Variants in MVB12B observed in about 807,000 individuals in gnomAD.
MVB12B encodes ESCRT-I complex subunit MVB12B.
Under a neutral mutation model 41.6 loss-of-function variants are expected in MVB12B, and 16 were observed. The observed-to-expected ratio is 0.38, with a 90% CI of 0.26 to 0.58. MVB12B has a LOEUF of 0.58. Ranked by LOEUF, MVB12B falls within the 20% of genes least tolerant of loss-of-function variation. The pLI is 0.62. For synonymous variants in MVB12B, 133 were observed against 139.7 expected (o/e 0.95, Z 0.34); for missense variants, 274 against 380.2 (o/e 0.72, Z 2.32).
At chr9:126,350,906 G>A (rs1468014671) in intron 2 of MVB12B, among the ~76,000 whole-genome samples, 1 of 152,114 alleles carries the variant, frequency 6.6e-6, no homozygotes, top group East Asian at 1.9e-4. Flanking sequence ...AAATAATCTT[G>A]CCTATATCTA....
intron 9 of MVB12B, among the ~76,000 whole-genome samples, chr9:126,500,904 CGG>C: frequency 6.6e-6 from 1 of 152,222 alleles, no homozygotes; most frequent in African/African-American, 2.4e-5. Context: ...CATGTGCCCT[CGG>C]AGGTGGCCTT....
At chr9:126,334,436 G>T (rs961217564) in intron 1 of MVB12B, among the ~76,000 whole-genome samples, 2 of 152,270 alleles carry the variant, frequency 1.3e-5, no homozygotes, top group Admixed American at 6.5e-5. Flanking sequence ...TCAGAGAGGG[G>T]TGTGGTGGCC....
rs148516498 is a variant in MVB12B at position 126,472,079 on chromosome 9, C to G, written c.758-9290C>G. On this transcript the variant is annotated intron_variant, in intron 7 of 9. Coordinates refer to ENST00000361171, the MANE Select transcript of MVB12B (RefSeq NM_033446.3). ...TGATTGGAGTATTTCCTCACCCCTG[C>G]TGTGTATTGAGACGTTGGGGAGGGA... 2.1e-4 allele frequency among the ~76,000 whole-genome samples: 32 copies of G among 152,064 alleles called. No individual in the cohort carries two copies. The East Asian group carries it at 5.8e-3, about 28-fold the overall frequency.
intron 7 of MVB12B, among the ~76,000 whole-genome samples, chr9:126,475,302 A>G (rs1833399823): frequency 6.6e-6 from 1 of 152,140 alleles, no homozygotes; most frequent in African/African-American, 2.4e-5. Context: ...GTCATTGATC[A>G]TGCCCTGGGC....
At chr9:126,396,006 C>G in intron 6 of MVB12B, 2 of 1,133,240 alleles carry the variant, frequency 1.8e-6, no homozygotes, top group Non-Finnish European at 2.2e-6. Context: ...TGCTGTATAG[C>G]CATGGGGTTG....
rs149012819 is a variant in MVB12B, at chr9:126,418,288, C to T, written c.663-3566C>T. Among the ~76,000 whole-genome samples, 759 of 152,232 alleles carry T rather than the reference C, an allele frequency of 5.0e-3. 7 individuals carry two copies. The highest frequency in any genetic ancestry group is 0.017 in the African/African-American group (700 of 41,516). On this transcript the variant is annotated intron_variant, in intron 6 of 9. Transcript: ENST00000361171. The stretch of plus-strand genomic sequence containing the variant: ...CCCGAGGGACAAGAAAGTTTGGTCC[C>T]GGACATCAGTATTGCATGGAGCAGC...
At chr9:126,483,814 C>T (rs141927699) in intron 8 of MVB12B, among the ~76,000 whole-genome samples, 159 bp from the exon 9 acceptor site, 31 of 152,300 alleles carry the variant, frequency 2.0e-4, no homozygotes, top group Admixed American at 9.8e-4. Context: ...CACCCCCACG[C>T]GTGACCGAGA....
intron 3 of MVB12B, among the ~76,000 whole-genome samples, chr9:126,385,999 G>T (rs1464728664): frequency 6.6e-6 from 1 of 152,184 alleles, no homozygotes; most frequent in Non-Finnish European, 1.5e-5. Flanking sequence ...CCTTGTGCGT[G>T]TCATTTTAGA....
Position 126,392,384 on chromosome 9 carries a change from T to C in MVB12B, c.539+189T>C, listed in dbSNP as rs535666660. Among the ~76,000 whole-genome samples the C allele has an allele frequency of 6.6e-6, 1 of 152,370 alleles. No individual in the cohort carries two copies. ...CTCTCTGAGCCTCGGCTCGCACTGC[T>C]GACTCCACCTTAGGGCCTTTCCTCC... On this transcript the variant is annotated intron_variant, in intron 5 of 9. Coordinates refer to ENST00000361171, the MANE Select transcript of MVB12B (RefSeq NM_033446.3). The surrounding 1 kb of genome is among the most constrained non-coding windows in gnomAD (Gnocchi z 4.8).
chr9:126,335,191 C>T (rs1829240385), intron 1 of MVB12B: 2 of 1,113,278 alleles, frequency 1.8e-6, no homozygotes, highest in Non-Finnish European at 2.2e-6. Flanking sequence ...TTGTTGCCAC[C>T]TGACTATGTC....
intron 2 of MVB12B, among the ~76,000 whole-genome samples, chr9:126,369,564 A>G (rs1830277542): frequency 6.6e-6 from 1 of 152,012 alleles, no homozygotes; most frequent in African/African-American, 2.4e-5. Flanking sequence ...ATTCCTAGGT[A>G]TCTTTCCATG....
chr9:126,484,069 G>T lies in MVB12B; in HGVS notation c.873+37G>T. 2.5e-6 allele frequency: 4 copies of T among 1,596,052 alleles called. No homozygotes were observed. In the East Asian group the frequency reaches 6.7e-5, roughly 27 times the overall value. On this transcript the variant is annotated intron_variant, in intron 9 of 9. Coordinates refer to ENST00000361171, the MANE Select transcript of MVB12B (RefSeq NM_033446.3). The stretch of plus-strand genomic sequence containing the variant: ...ATCAGGGGAGGGGAGGGCAGGCCTG[G>T]GCCATCGCCTGCACACCGGCGTCTC...
At chr9:126,394,532 C>G (rs2119004637) in intron 5 of MVB12B, among the ~76,000 whole-genome samples, 1 of 152,304 alleles carries the variant, frequency 6.6e-6, no homozygotes, top group East Asian at 1.9e-4. Flanking sequence ...ATTCAGAACT[C>G]TAAGTCACTT....
intron 9 of MVB12B, among the ~76,000 whole-genome samples, chr9:126,499,197 T>C (rs1382161411): frequency 6.6e-6 from 1 of 152,084 alleles, no homozygotes; most frequent in African/African-American, 2.4e-5. Context: ...AAGCTGAGAC[T>C]CTCGCACCGT....
At position 126,480,534 on chromosome 9, in the gene MVB12B, C is replaced by T. The variant is rs189999779; in HGVS notation, c.758-835C>T. Among the ~76,000 whole-genome samples the T allele has an allele frequency of 3.9e-5, 6 of 152,116 alleles. No individual in the cohort carries two copies. The highest frequency in any genetic ancestry group is 1.9e-4 in the East Asian group (1 of 5,184). On this transcript the variant is annotated intron_variant, in intron 7 of 9. Coordinates refer to ENST00000361171, the MANE Select transcript of MVB12B (RefSeq NM_033446.3). This position sits in a 1 kb window ranked among gnomAD's most constrained non-coding sequence, Gnocchi z 4.9. ...TTGAAAGCGATCCCCTGGGACAGGGCGGAGGGAGGGGTGGCCACAGAAAAG... is the reference window on the plus strand; with the variant it reads ...TTGAAAGCGATCCCCTGGGACAGGGTGGAGGGAGGGGTGGCCACAGAAAAG...
At chr9:126,381,528 A>G (rs758745691) in intron 3 of MVB12B, among the ~76,000 whole-genome samples, 1 of 152,172 alleles carries the variant, frequency 6.6e-6, no homozygotes, top group Non-Finnish European at 1.5e-5. Flanking sequence ...CAGCAAAGGC[A>G]GCATGGCTCA....
chr9:126,348,499 G>A (rs1172051053), intron 2 of MVB12B, among the ~76,000 whole-genome samples: 2 of 152,150 alleles, frequency 1.3e-5, no homozygotes, highest in Non-Finnish European at 2.9e-5. Context: ...TTTCTTCTAG[G>A]CTTCCCTTCC....
At chr9:126,406,456 G>A (rs1831428697) in intron 6 of MVB12B, among the ~76,000 whole-genome samples, 1 of 152,224 alleles carries the variant, frequency 6.6e-6, no homozygotes, top group Admixed American at 6.5e-5. Flanking sequence ...CTTGCCCTGC[G>A]CTCTCACGCA....
At chr9:126,433,352 T>TCCC (rs1394340588) in intron 7 of MVB12B, among the ~76,000 whole-genome samples, 1 of 150,438 alleles carries the variant, frequency 6.6e-6, no homozygotes, top group Non-Finnish European at 1.5e-5. Flanking sequence ...ACACCAGGTA[T>TCCC]CAAAGAACCT....
Sources: gnomAD v4.1 joint callset for allele counts (sites outside exome capture counted in the v4.1 genomes callset) on GRCh38, gnomAD v4.1.1 for gene constraint, Gnocchi (gnomAD v3.1) non-coding constraint, MANE v1.5 for transcripts, NCBI Gene and HGNC (gene_info 2026-07-23, HGNC 2026-07-21) for gene names.